TMEM196: variants seen among roughly 807,000 people sequenced by gnomAD.
TMEM196 encodes the protein transmembrane protein 196.
In TMEM196, 17 loss-of-function variants were observed where a neutral mutation model predicts 20.0. The observed-to-expected ratio is 0.85, with a 90% CI of 0.58 to 1.27. The LOEUF is 1.27. TMEM196 is among the 50% of genes most tolerant of loss of function. TMEM196 has a pLI of 0.00. For synonymous variants in TMEM196, 113 were observed against 88.9 expected (o/e 1.27, Z -1.52); for missense variants, 267 against 223.0 (o/e 1.20, Z -1.26).
intron 1 of TMEM196, among the ~76,000 whole-genome samples, chr7:19,738,328 T>C (rs1784474193): frequency 6.6e-6 from 1 of 152,112 alleles, no homozygotes; most frequent in African/African-American, 2.4e-5. Flanking sequence ...GAGTTGTAGG[T>C]ATCAGTATTA....
chr7:19,763,283 T>G (rs1785501814), intron 1 of TMEM196, among the ~76,000 whole-genome samples: 1 of 152,198 alleles, frequency 6.6e-6, no homozygotes, highest in Non-Finnish European at 1.5e-5. Flanking sequence ...ATTATAAACA[T>G]AAGCTGCCAT....
At chr7:19,761,229 C>G (rs1376373755) in intron 1 of TMEM196, among the ~76,000 whole-genome samples, 2 of 152,222 alleles carry the variant, frequency 1.3e-5, no homozygotes, top group African/African-American at 4.8e-5. Flanking sequence ...CACTTTCCAT[C>G]TTCCTATTTA....
chr7:19,753,611 CT>C (rs1785079140), intron 1 of TMEM196, among the ~76,000 whole-genome samples: 1 of 152,174 alleles, frequency 6.6e-6, no homozygotes, highest in African/African-American at 2.4e-5. Context: ...CACAATCCCC[CT>C]GCCTCTAATT....
chr7:19,723,582 C>A (rs576454962), intron 4 of TMEM196, among the ~76,000 whole-genome samples: 1 of 152,084 alleles, frequency 6.6e-6, no homozygotes, highest in East Asian at 1.9e-4. Flanking sequence ...GAGTGAGTCT[C>A]CAGTTTGCAA....
At chr7:19,762,098 A>G (rs1429414323) in intron 1 of TMEM196, among the ~76,000 whole-genome samples, 1 of 152,160 alleles carries the variant, frequency 6.6e-6, no homozygotes, top group Non-Finnish European at 1.5e-5. Context: ...AGTGACAGAA[A>G]AATCATAACC....
At chr7:19,737,500 A>G (rs1302940204) in intron 1 of TMEM196, among the ~76,000 whole-genome samples, 2 of 152,100 alleles carry the variant, frequency 1.3e-5, no homozygotes, top group East Asian at 3.9e-4. Flanking sequence ...TTGTAAACCT[A>G]GGAACAATAA....
intron 1 of TMEM196, among the ~76,000 whole-genome samples, chr7:19,746,394 T>C (rs1484138751): frequency 6.6e-6 from 1 of 152,240 alleles, no homozygotes; most frequent in East Asian, 1.9e-4. Flanking sequence ...TTTTTAATTG[T>C]AATTTACCAC....
At chr7:19,729,474 A>G (rs1485976159) in intron 1 of TMEM196, 36 bp from the exon 2 acceptor site, 14 of 1,541,624 alleles carry the variant, frequency 9.1e-6, no homozygotes, top group Non-Finnish European at 1.2e-5. Flanking sequence ...CTCCTTATCC[A>G]AAGACACGAG....
intron 1 of TMEM196, among the ~76,000 whole-genome samples, chr7:19,765,249 A>G (rs916352211): frequency 3.9e-5 from 6 of 152,158 alleles, no homozygotes; most frequent in African/African-American, 1.4e-4. Context: ...TTTAACCATT[A>G]ATATTTTCTT....
At chr7:19,742,944 C>G (rs1784628437) in intron 1 of TMEM196, among the ~76,000 whole-genome samples, 1 of 152,098 alleles carries the variant, frequency 6.6e-6, no homozygotes, top group Non-Finnish European at 1.5e-5. Context: ...CTTTCCATTC[C>G]CAGGTGTTAA....
chr7:19,753,201 T>C (rs10260360), intron 1 of TMEM196, among the ~76,000 whole-genome samples: 31,941 of 152,052 alleles, frequency 0.21, 3,930 homozygotes, highest in East Asian at 0.44. Context: ...CTTTTTTATG[T>C]GGCTTATTAC....
chr7:19,760,242 G>A (rs915020635), intron 1 of TMEM196, among the ~76,000 whole-genome samples: 1 of 151,138 alleles, frequency 6.6e-6, no homozygotes, highest in African/African-American at 2.4e-5. Flanking sequence ...CTATATGTCT[G>A]ACTAATGCCT....
At chr7:19,744,847 T>C (rs1784697327) in intron 1 of TMEM196, among the ~76,000 whole-genome samples, 1 of 152,240 alleles carries the variant, frequency 6.6e-6, no homozygotes, top group Non-Finnish European at 1.5e-5. Flanking sequence ...AAGAACATTC[T>C]TTAAGTGTTT....
intron 1 of TMEM196, among the ~76,000 whole-genome samples, chr7:19,744,899 G>C (rs1016066054): frequency 6.6e-6 from 1 of 151,896 alleles, no homozygotes; most frequent in Non-Finnish European, 1.5e-5. Flanking sequence ...AACAAAAAAA[G>C]CCAACAACAA....
chr7:19,725,831 C>A, intron 2 of TMEM196, 63 bp from the exon 3 acceptor site: 2 of 1,503,912 alleles, frequency 1.3e-6, no homozygotes, highest in South Asian at 1.4e-5. Context: ...AACACAGTTG[C>A]CCTGTCCGGC....
At chr7:19,739,197 G>A (rs145270346) in intron 1 of TMEM196, among the ~76,000 whole-genome samples, 63 of 152,210 alleles carry the variant, frequency 4.1e-4, no homozygotes, top group African/African-American at 1.3e-3. Context: ...ATCATTATTT[G>A]CAGACAATAT....
intron 1 of TMEM196, among the ~76,000 whole-genome samples, chr7:19,747,256 A>AG (rs1183959568): frequency 1.1e-3 from 137 of 129,720 alleles, no homozygotes; most frequent in African/African-American, 4.5e-3. Flanking sequence ...CTCCGTCTCA[A>AG]AAAAATAAAT....
At chr7:19,737,531 A>C (rs1784451972) in intron 1 of TMEM196, among the ~76,000 whole-genome samples, 1 of 152,008 alleles carries the variant, frequency 6.6e-6, no homozygotes. Flanking sequence ...TCATAGATAG[A>C]TGGATAAACT....
intron 1 of TMEM196, among the ~76,000 whole-genome samples, chr7:19,754,817 C>T (rs561539276): frequency 6.6e-6 from 1 of 152,218 alleles, no homozygotes; most frequent in Non-Finnish European, 1.5e-5. Flanking sequence ...AATTGTGAAT[C>T]TCTCCCAGCT....
Sources: gnomAD v4.1 joint callset for allele counts (sites outside exome capture counted in the v4.1 genomes callset) on GRCh38, gnomAD v4.1.1 for gene constraint, MANE v1.5 for transcripts, NCBI Gene and HGNC (gene_info 2026-07-23, HGNC 2026-07-21) for gene names.